Variants in DNAH11 observed in about 807,000 individuals in gnomAD.
The protein encoded by DNAH11 is dynein axonemal heavy chain 11.
A neutral mutation model predicts 526.0 loss-of-function variants in DNAH11; 442 were observed. The ratio of observed to expected loss-of-function variants is 0.84; its 90% CI spans 0.78 to 0.91. DNAH11 has a LOEUF of 0.91. Ranked by LOEUF, DNAH11 falls within the 40% of genes least tolerant of loss-of-function variation. The pLI, the probability that DNAH11 is intolerant of heterozygous loss-of-function variation, is 0.00. For missense variants in DNAH11, 6,989 were observed against 5,448.7 expected (o/e 1.28, Z -8.90); for synonymous variants, 2,461 against 1,935.9 (o/e 1.27, Z -7.12).
intron 30 of DNAH11, among the ~76,000 whole-genome samples, chr7:21,664,052 C>T (rs1351075319): frequency 6.6e-6 from 1 of 151,378 alleles, no homozygotes; most frequent in Non-Finnish European, 1.5e-5. Context: ...CAACAGTGTA[C>T]AAGGATTCCC....
At position 21,554,015 on chromosome 7, in the gene DNAH11, T is replaced by C. The variant is rs1277210978; in HGVS notation, c.496-4787T>C. On this transcript the variant is annotated intron_variant, in intron 2 of 81. Coordinates refer to ENST00000409508, the MANE Select transcript of DNAH11 (RefSeq NM_001277115.2). ...TAATCTGGAGTATTTTCTTAACTAGTCTCTGACCCTGTGCAGGAATGCGGA... is the reference window on the plus strand; with the variant it reads ...TAATCTGGAGTATTTTCTTAACTAGCCTCTGACCCTGTGCAGGAATGCGGA... Among the ~76,000 whole-genome samples, 6 of 152,240 alleles carry C rather than the reference T, an allele frequency of 3.9e-5. No individual in the cohort carries two copies. The East Asian group carries it at 1.2e-3, about 29-fold the overall frequency.
At chr7:21,553,565 C>G (rs750701034) in intron 2 of DNAH11, among the ~76,000 whole-genome samples, 1 of 152,128 alleles carries the variant, frequency 6.6e-6, no homozygotes, top group East Asian at 1.9e-4. Flanking sequence ...AGAAGGAACT[C>G]CCCCCACAGT....
intron 56 of DNAH11, among the ~76,000 whole-genome samples, chr7:21,776,694 T>G (rs1418020574): frequency 6.6e-6 from 1 of 152,232 alleles, no homozygotes; most frequent in East Asian, 1.9e-4. Context: ...CCTTAGAAAC[T>G]GAAATTAGGG....
chr7:21,728,425 AT>A (rs921499220), intron 45 of DNAH11, among the ~76,000 whole-genome samples: 2 of 151,402 alleles, frequency 1.3e-5, no homozygotes, highest in African/African-American at 4.9e-5. Flanking sequence ...TGCCCGGCTA[AT>A]TTTTGTATTT....
Position 21,866,631 on chromosome 7 carries a change from A to G in DNAH11, c.11658A>G (p.Ala3886=), listed in dbSNP as rs760456558. Residue 3886 remains alanine, a synonymous_variant, in exon 71 of 82, where the codon GCA becomes GCG. Coordinates refer to ENST00000409508, the MANE Select transcript of DNAH11 (RefSeq NM_001277115.2). ...SLIQKLILLR[A]MRPDRMTYAL... The stretch of plus-strand genomic sequence containing the variant: ...TACAGAAGCTGATTCTTCTGAGAGC[A>G]ATGCGCCCTGACAGAATGACGTATG... 6.2e-7 allele frequency: 1 copy of G among 1,613,770 alleles called. No homozygotes were observed. Among genetic ancestry groups the G allele is most frequent in the South Asian group, 1.1e-5 (1 of 91,032 alleles).
intron 54 of DNAH11, among the ~76,000 whole-genome samples, chr7:21,762,285 T>C (rs1237073372): frequency 6.6e-6 from 1 of 152,192 alleles, no homozygotes; most frequent in Non-Finnish European, 1.5e-5. Flanking sequence ...TGAACAAATA[T>C]GGTTCAGATA....
In DNAH11 at chr7:21,619,542, A is replaced by G. The variant is rs559550893; in HGVS notation, c.4377+320A>G. ...TTCTGAGGTAAGTAATAGTATCTCT[A>G]TTTTACACATGGGGAAACTGAGGTA... is the stretch of plus-strand genomic sequence containing the variant. On this transcript the variant is annotated intron_variant, in intron 24 of 81. Transcript: ENST00000409508. Among the ~76,000 whole-genome samples the G allele has an allele frequency of 5.3e-5, 8 of 152,284 alleles. No homozygotes were observed. In the East Asian group the frequency reaches 5.8e-4, roughly 11 times the overall value.
At chr7:21,747,001 G>A (rs1786178616) in intron 51 of DNAH11, among the ~76,000 whole-genome samples, 2 of 152,162 alleles carry the variant, frequency 1.3e-5, no homozygotes, top group Non-Finnish European at 1.5e-5. Context: ...AGGTAAGGCT[G>A]TTTCTTTGAT....
intron 74 of DNAH11, among the ~76,000 whole-genome samples, chr7:21,874,970 C>G (rs551616438): frequency 1.3e-5 from 2 of 152,246 alleles, no homozygotes; most frequent in South Asian, 4.1e-4. Flanking sequence ...TGTTAACATC[C>G]TTAGCTTCTT....
chr7:21,822,083 C>A (rs186433581), intron 65 of DNAH11, among the ~76,000 whole-genome samples: 2 of 152,028 alleles, frequency 1.3e-5, no homozygotes, highest in Non-Finnish European at 2.9e-5. Flanking sequence ...GTATATATAC[C>A]ACAATTTCTT....
At chr7:21,845,098 A>G (rs1296614576) in intron 66 of DNAH11, among the ~76,000 whole-genome samples, 1 of 152,156 alleles carries the variant, frequency 6.6e-6, no homozygotes, top group East Asian at 1.9e-4. Flanking sequence ...AAAAAGTTGC[A>G]GGAGTTCTTG....
At chr7:21,845,349 A>G (rs1465695418) in intron 66 of DNAH11, among the ~76,000 whole-genome samples, 1 of 152,040 alleles carries the variant, frequency 6.6e-6, no homozygotes, top group Non-Finnish European at 1.5e-5. Flanking sequence ...TGGTTCTTAC[A>G]TTTAGCTCTG....
chr7:21,704,599 C>A lies in DNAH11; in HGVS notation c.6439C>A (p.Leu2147Met). The A allele has an allele frequency of 1.2e-6, 2 of 1,608,860 alleles. No homozygotes were observed. The highest frequency in any genetic ancestry group is 1.7e-6 in the Non-Finnish European group (2 of 1,178,418). ...CAGGCAGTCTACCCTGGAGCTCCGCCTGCAGCCTGAAGAGAGCTTCATCCT... is the reference window on the plus strand; with the variant it reads ...CAGGCAGTCTACCCTGGAGCTCCGCATGCAGCCTGAAGAGAGCTTCATCCT... The part of the protein sequence containing the change: ...MVRQSTLELR[L>M]QPEESFILKV... Residue 2147 changes from leucine (L) to methionine (M), a missense_variant, in exon 38 of 82, where the codon CTG becomes ATG. By Grantham distance (15) the Leu-to-Met change is conservative. Transcript: ENST00000409508.
chr7:21,571,806 G>C lies in DNAH11; in HGVS notation c.1426G>C (p.Asp476His). The change falls in exon 8 of 82, where the codon GAT becomes CAT. Residue 476 changes from aspartate to histidine, a missense_variant and splice_region_variant. Physicochemically the swap from Asp to His is moderately conservative, Grantham distance 81 (BLOSUM62 -1). Transcript: ENST00000409508. ...KFLDRLIKIE[D>H]IFATTLEFEK... ...GGTCTTTACTGTGTTTTTTACAAAG[G>C]ATATATTTGCCACCACTTTGGAATT... 1 of 1,609,738 alleles carries C rather than the reference G, an allele frequency of 6.2e-7. No homozygotes were observed. Among genetic ancestry groups the C allele is most frequent in the Non-Finnish European group, 8.5e-7 (1 of 1,178,468 alleles).
intron 74 of DNAH11, among the ~76,000 whole-genome samples, chr7:21,875,170 T>C (rs1313031770): frequency 1.3e-5 from 2 of 152,220 alleles, no homozygotes; most frequent in African/African-American, 4.8e-5. Flanking sequence ...AACTATTAAG[T>C]ATCTGCAATA....
chr7:21,733,378 G>C (rs536184303), intron 45 of DNAH11, among the ~76,000 whole-genome samples: 1 of 152,230 alleles, frequency 6.6e-6, no homozygotes, highest in South Asian at 2.1e-4. Flanking sequence ...ACAAGAGCGA[G>C]ACTCCATCTC....
intron 33 of DNAH11, 23 bp from the exon 34 acceptor site, chr7:21,687,359 G>C (rs749227529): frequency 6.3e-7 from 1 of 1,592,330 alleles, no homozygotes; most frequent in Non-Finnish European, 8.6e-7. Context: ...GTTAAATTCT[G>C]AGTGCCTCAC....
Position 21,739,466 on chromosome 7 carries a change from G to A in DNAH11, c.7812-105G>A, listed in dbSNP as rs2906686. 556,465 of 766,138 alleles carry A rather than the reference G, an allele frequency of 0.73. 203,841 individuals carry two copies. The highest frequency in any genetic ancestry group is 0.76 in the Non-Finnish European group (363,511 of 479,658). 47.5% of individuals were successfully genotyped at this position (766,138 alleles called of 1,614,324 possible). On this transcript the variant is annotated intron_variant, in intron 47 of 81. Transcript: ENST00000409508. The stretch of plus-strand genomic sequence containing the variant: ...TAGGTCAACCTCACAGAGTGATTAT[G>A]AAGATAAGGAGGTAATCTGCGATGA...
chr7:21,744,897 C>T lies in DNAH11; in HGVS notation c.8344C>T (p.Gln2782Ter). ...EGIDSHMLLQ[Q>*]PLIYCHFADR... Reference sequence around the variant, plus strand: ...TATAGATAGTCACATGCTGCTTCAACAGCCCCTCATTTATTGCCACTTTGC... The same window carrying T: ...TATAGATAGTCACATGCTGCTTCAATAGCCCCTCATTTATTGCCACTTTGC... The change falls in exon 51 of 82, where the codon CAG (glutamine) becomes TAG (stop). Residue 2782 changes from glutamine (Q) to a stop codon, truncating the protein, a stop_gained. Coordinates refer to ENST00000409508, the MANE Select transcript of DNAH11 (RefSeq NM_001277115.2). LOFTEE classifies it high-confidence loss of function. 6.2e-7 allele frequency: 1 copy of T among 1,610,634 alleles called. No individual in the cohort carries two copies. Among genetic ancestry groups the T allele is most frequent in the Non-Finnish European group, 8.5e-7 (1 of 1,178,472 alleles).
Sources: gnomAD v4.1 joint callset for allele counts (sites outside exome capture counted in the v4.1 genomes callset) on GRCh38, gnomAD v4.1.1 for gene constraint, MANE v1.5 for transcripts, NCBI Gene and HGNC (gene_info 2026-07-23, HGNC 2026-07-21) for gene names.